TAFA1: variants seen among roughly 807,000 people sequenced by gnomAD.
The protein encoded by TAFA1 is chemokine-like protein TAFA-1.
In TAFA1, 4 loss-of-function variants were observed where a neutral mutation model predicts 18.5. The observed-to-expected ratio is 0.22, with a 90% CI of 0.11 to 0.49. TAFA1 has a LOEUF of 0.49. Ranked by LOEUF, TAFA1 falls within the 20% of genes least tolerant of loss-of-function variation. The probability of loss-of-function intolerance (pLI) is 0.98; values close to 1 mark genes in which losing one functional copy is unlikely to be tolerated. For missense variants in TAFA1, 147 were observed against 169.0 expected (o/e 0.87, Z 0.72); for synonymous variants, 56 against 55.2 (o/e 1.01, Z -0.06).
intron 3 of TAFA1, among the ~76,000 whole-genome samples, chr3:68,522,301 A>G (rs1264703483): frequency 6.6e-6 from 1 of 152,158 alleles, no homozygotes; most frequent in Non-Finnish European, 1.5e-5. Flanking sequence ...CAAATTCTCA[A>G]TGAGAACACG....
At chr3:68,507,084 T>A (rs1039974) in intron 3 of TAFA1, among the ~76,000 whole-genome samples, 30,737 of 151,884 alleles carry the variant, frequency 0.2, 3,213 homozygotes, top group Middle Eastern at 0.23. Flanking sequence ...CAATCACAGT[T>A]CTCTTGCTCG....
At chr3:68,144,872 T>G (rs2065717583) in intron 2 of TAFA1, 4 of 638,494 alleles carry the variant, frequency 6.3e-6, no homozygotes, top group Non-Finnish European at 8.5e-6. Flanking sequence ...CTTTTACATT[T>G]ACATTCCATT....
intron 2 of TAFA1, among the ~76,000 whole-genome samples, chr3:68,183,645 A>G (rs1241829420): frequency 6.6e-6 from 1 of 152,094 alleles, no homozygotes; most frequent in Non-Finnish European, 1.5e-5. Context: ...GAAACACAGA[A>G]TTTTGTTCAT....
chr3:68,491,891 A>T (rs903007386), intron 3 of TAFA1, among the ~76,000 whole-genome samples: 1 of 152,166 alleles, frequency 6.6e-6, no homozygotes, highest in Non-Finnish European at 1.5e-5. Flanking sequence ...TGTCCCAGAA[A>T]TCTGCATCTT....
At chr3:68,164,698 T>A (rs1036904342) in intron 2 of TAFA1, among the ~76,000 whole-genome samples, 1 of 151,116 alleles carries the variant, frequency 6.6e-6, no homozygotes, top group African/African-American at 2.4e-5. Context: ...ATCTAGTTCT[T>A]AGGGTTAGCT....
chr3:68,407,261 C>A (rs985931606), intron 2 of TAFA1, among the ~76,000 whole-genome samples: 2 of 151,918 alleles, frequency 1.3e-5, no homozygotes, highest in African/African-American at 4.8e-5. Context: ...TACTCTGAAC[C>A]AGGTATTATT....
intron 2 of TAFA1, among the ~76,000 whole-genome samples, chr3:68,333,319 G>A (rs1165492017): frequency 1.3e-5 from 2 of 152,174 alleles, no homozygotes; most frequent in African/African-American, 4.8e-5. Flanking sequence ...CACGTAGTGA[G>A]ATGATATCCT....
At chr3:68,241,594 T>C (rs1344103737) in intron 2 of TAFA1, among the ~76,000 whole-genome samples, 1 of 152,152 alleles carries the variant, frequency 6.6e-6, no homozygotes, top group Non-Finnish European at 1.5e-5. Context: ...TCACTTCCCA[T>C]GGTGCCTTGG....
chr3:68,539,678 T>C lies in TAFA1; in HGVS notation c.384+798T>C, dbSNP rs56905702. ...CTTTGTCTCTCTCTGTGTGTGTGTG[T>C]GGGGGGGCATGGGGTGGGTGGGTGG... On this transcript the variant is annotated intron_variant, in intron 4 of 4. Transcript: ENST00000478136. Among the ~76,000 whole-genome samples, 62 of 14,412 alleles carry C rather than the reference T, an allele frequency of 4.3e-3. 3 individuals are homozygous for C. The highest frequency in any genetic ancestry group is 0.033 in the Middle Eastern group (1 of 30). 9.5% of individuals were successfully genotyped at this position (14,412 alleles called of 152,430 possible).
chr3:68,458,223 A>C (rs536673079), intron 3 of TAFA1, among the ~76,000 whole-genome samples: 1 of 152,208 alleles, frequency 6.6e-6, no homozygotes, highest in East Asian at 1.9e-4. Context: ...TTCTCCAGCC[A>C]TGTAGGACAT....
chr3:68,125,370 ATTG>A lies in TAFA1; in HGVS notation c.118+118629_118+118631del, dbSNP rs200195323. ...CTGTGCTGCTATTGTGAATTTTGCT[ATTG>A]TTATTATTACAAGTGCTACTGCTGC... is the stretch of plus-strand genomic sequence containing the variant. On this transcript the variant is annotated intron_variant, in intron 2 of 4. Transcript: ENST00000478136. Among the ~76,000 whole-genome samples the A allele has an allele frequency of 4.9e-4, 74 of 152,328 alleles. No homozygotes were observed. In the East Asian group the frequency reaches 0.013, roughly 27 times the overall value.
At chr3:68,148,141 A>T (rs976932641) in intron 2 of TAFA1, among the ~76,000 whole-genome samples, 1 of 152,168 alleles carries the variant, frequency 6.6e-6, no homozygotes, top group Non-Finnish European at 1.5e-5. Flanking sequence ...ATAGCCACAG[A>T]TCAATTTGCT....
chr3:68,528,676 G>A (rs1356096214), intron 3 of TAFA1, among the ~76,000 whole-genome samples: 1 of 152,196 alleles, frequency 6.6e-6, no homozygotes, highest in African/African-American at 2.4e-5. Context: ...ACAAAAGTAA[G>A]TCTGGAGATT....
At chr3:68,463,956 A>G (rs1379598864) in intron 3 of TAFA1, among the ~76,000 whole-genome samples, 1 of 152,226 alleles carries the variant, frequency 6.6e-6, no homozygotes, top group African/African-American at 2.4e-5. Context: ...TCTACTCATT[A>G]AATGAATGGA....
intron 2 of TAFA1, among the ~76,000 whole-genome samples, chr3:68,392,680 A>C (rs1338188492): frequency 6.6e-6 from 1 of 152,236 alleles, no homozygotes; most frequent in Non-Finnish European, 1.5e-5. Flanking sequence ...GTGCAATCGA[A>C]TTAGAACTCA....
intron 2 of TAFA1, among the ~76,000 whole-genome samples, chr3:68,220,176 C>A (rs2066712249): frequency 6.6e-6 from 1 of 152,208 alleles, no homozygotes; most frequent in Non-Finnish European, 1.5e-5. Flanking sequence ...TCATTTGGTT[C>A]ATTAACTCAA....
intron 3 of TAFA1, among the ~76,000 whole-genome samples, chr3:68,460,210 A>G (rs959004937): frequency 2.6e-5 from 4 of 152,144 alleles, no homozygotes; most frequent in Admixed American, 2.6e-4. Context: ...GGGATGGGAC[A>G]AAATATACCC....
intron 2 of TAFA1, among the ~76,000 whole-genome samples, chr3:68,400,689 A>T (rs2070469411): frequency 6.6e-6 from 1 of 152,222 alleles, no homozygotes; most frequent in South Asian, 2.1e-4. Flanking sequence ...AGAAGATGTT[A>T]TTGGTAATGA....
At chr3:68,192,047 C>T (rs917070001) in intron 2 of TAFA1, among the ~76,000 whole-genome samples, 4 of 151,620 alleles carry the variant, frequency 2.6e-5, no homozygotes, top group South Asian at 2.1e-4. Flanking sequence ...TCTAAAGTCC[C>T]GCCTACATAT....
Sources: allele counts gnomAD v4.1 joint callset (sites outside exome capture counted in the v4.1 genomes callset), GRCh38; gene constraint gnomAD v4.1.1; transcripts MANE v1.5; gene names NCBI Gene and HGNC (gene_info 2026-07-23, HGNC 2026-07-21).